The following SPOCK2 variants were observed in gnomAD, a reference collection of about 807,000 sequenced individuals.
SPOCK2 encodes SPARC (osteonectin), cwcv and kazal like domains proteoglycan 2, also known as testican-2.
A neutral mutation model predicts 60.1 loss-of-function variants in SPOCK2; 39 were observed. That is an observed-to-expected ratio of 0.65 (90% CI 0.50 to 0.85). The LOEUF (loss-of-function observed/expected upper bound fraction) is 0.85. SPOCK2 is among the 40% of genes least tolerant of loss of function. The pLI is 0.00. For synonymous variants in SPOCK2, 217 were observed against 231.5 expected (o/e 0.94, Z 0.57); for missense variants, 523 against 567.4 (o/e 0.92, Z 0.80).
At chr10:72,067,589 C>T in intron 7 of SPOCK2, 24 bp downstream of exon 7, 1 of 1,610,856 alleles carries the variant, frequency 6.2e-7, no homozygotes, top group Non-Finnish European at 8.5e-7. Flanking sequence ...CTCCCTCCTC[C>T]AGGCAGAGCA....
At chr10:72,083,266 G>A (rs1283775544) in intron 1 of SPOCK2, among the ~76,000 whole-genome samples, 2 of 152,204 alleles carry the variant, frequency 1.3e-5, no homozygotes, top group Admixed American at 1.3e-4. Flanking sequence ...GCGGTGGTGT[G>A]GTAGGATAAG....
chr10:72,085,643 CCTACTAGGA>C (rs1272920574), intron 1 of SPOCK2, among the ~76,000 whole-genome samples: 1 of 152,150 alleles, frequency 6.6e-6, no homozygotes, highest in Non-Finnish European at 1.5e-5. Context: ...TTGCCTCCAC[CCTACTAGGA>C]CAAATAGGGG....
At chr10:72,072,603 A>C in intron 2 of SPOCK2, 55 bp from the exon 3 acceptor site, 1 of 1,611,312 alleles carries the variant, frequency 6.2e-7, no homozygotes, top group Non-Finnish European at 8.5e-7. Context: ...CATATCCCAG[A>C]GGTTCAACTG....
intron 1 of SPOCK2, among the ~76,000 whole-genome samples, chr10:72,073,596 C>T (rs1021953413): frequency 6.6e-6 from 1 of 152,200 alleles, no homozygotes; most frequent in East Asian, 1.9e-4. Flanking sequence ...CCGGAGAAAG[C>T]CCAGAGACAG....
intron 1 of SPOCK2, among the ~76,000 whole-genome samples, chr10:72,076,899 G>C (rs573757752): frequency 9.4e-4 from 143 of 152,332 alleles, no homozygotes; most frequent in Non-Finnish European, 1.6e-3. Context: ...GCTGAGTCAG[G>C]GTTCCCCATC....
At position 72,080,919 on chromosome 10, in the gene SPOCK2, T is replaced by C. The variant is rs113798083; in HGVS notation, c.189+7221A>G. 6.8e-3 allele frequency among the ~76,000 whole-genome samples: 1,036 copies of C among 152,200 alleles called. 10 individuals carry two copies. Among genetic ancestry groups the C allele is most frequent in the African/African-American group, 0.024 (981 of 41,544 alleles). ...GCATCTTGGTGGCTGCCCTAGTCCTTGGTCCCTGCTCCGGGCGGTGGCCCC... is the reference window on the plus strand; with the variant it reads ...GCATCTTGGTGGCTGCCCTAGTCCTCGGTCCCTGCTCCGGGCGGTGGCCCC... On this transcript the variant is annotated intron_variant, in intron 1 of 10. Coordinates refer to ENST00000373109, the MANE Select transcript of SPOCK2 (RefSeq NM_001244950.2).
chr10:72,072,337 C>A, intron 3 of SPOCK2, 79 bp from the exon 4 acceptor site: 1 of 1,450,196 alleles, frequency 6.9e-7, no homozygotes, highest in Non-Finnish European at 9.2e-7. Flanking sequence ...GCTGGGAGGC[C>A]TCTCCCTCCA....
chr10:72,067,204 C>T, intron 7 of SPOCK2, 84 bp from the exon 8 acceptor site: 1 of 1,355,092 alleles, frequency 7.4e-7, no homozygotes, highest in Non-Finnish European at 1.0e-6. Flanking sequence ...TCGCCATCAG[C>T]CCCAGCCCTC....
chr10:72,086,932 G>A (rs1840864681), intron 1 of SPOCK2: 2 of 1,551,556 alleles, frequency 1.3e-6, no homozygotes, highest in African/African-American at 1.4e-5. Context: ...GCAGTTTAAG[G>A]AGAAAACGGG....
rs1227493102 is a variant in SPOCK2, at chr10:72,088,507, T to C, written c.-179A>G. 7 of 687,914 alleles carry C rather than the reference T, an allele frequency of 1.0e-5. No individual in the cohort carries two copies. Among genetic ancestry groups the C allele is most frequent in the Non-Finnish European group, 1.6e-5 (7 of 430,234 alleles). 42.6% of individuals were successfully genotyped at this position (687,914 alleles called of 1,614,324 possible). On this transcript the variant is annotated 5_prime_UTR_variant, in exon 1 of 11. Transcript: ENST00000373109. ...ATGTGACCTGGTTAGGAGATGCACT[T>C]GTCTGAAAAAGCCCAGCACTGGACG...
Position 72,063,019 on chromosome 10 carries a change from C to A in SPOCK2, c.1129+6G>T. The A allele has an allele frequency of 6.4e-7, 1 of 1,560,572 alleles. No individual in the cohort carries two copies. The highest frequency in any genetic ancestry group is 8.7e-7 in the Non-Finnish European group (1 of 1,152,558). ...CCCAGCAGGCCCTGAGCTGCCCAGCCCGTACCGCAGTCGGGGCTCCCATGC... is the reference window on the plus strand; with the variant it reads ...CCCAGCAGGCCCTGAGCTGCCCAGCACGTACCGCAGTCGGGGCTCCCATGC... On this transcript the variant is annotated splice_donor_region_variant and intron_variant, in intron 10 of 10. Transcript: ENST00000373109.
At chr10:72,078,560 T>C (rs577481937) in intron 1 of SPOCK2, among the ~76,000 whole-genome samples, 1 of 151,698 alleles carries the variant, frequency 6.6e-6, no homozygotes. Context: ...TTAAAAATAA[T>C]AAAAAATATA....
At chr10:72,077,896 C>T (rs776999991) in intron 1 of SPOCK2, among the ~76,000 whole-genome samples, 2 of 152,270 alleles carry the variant, frequency 1.3e-5, no homozygotes, top group African/African-American at 2.4e-5. Flanking sequence ...CACCCCAACC[C>T]GAAAAACTGC....
chr10:72,066,240 A>C (rs757524346), intron 8 of SPOCK2, among the ~76,000 whole-genome samples: 44 of 152,102 alleles, frequency 2.9e-4, no homozygotes, highest in Admixed American at 1.3e-4. Context: ...CGAGAAGCAA[A>C]TGCATCTTCA....
At position 72,061,814 on chromosome 10, in the gene SPOCK2, G is replaced by C. The variant is rs1314586287; in HGVS notation, c.*946C>G. ...GCTCCACCACGAGACCCAGAGAAAA[G>C]GGACAGGCTATTCCAGGGTCTAGGA... On this transcript the variant is annotated 3_prime_UTR_variant, in exon 11 of 11. Coordinates refer to ENST00000373109, the MANE Select transcript of SPOCK2 (RefSeq NM_001244950.2). 1 of 152,476 alleles carries C rather than the reference G, an allele frequency of 6.6e-6. No individual in the cohort carries two copies. The highest frequency in any genetic ancestry group is 2.4e-5 in the African/African-American group (1 of 41,404). The allele number at this position is 152,476 out of a possible 1,614,324, so 9.4% of individuals were successfully genotyped here.
At chr10:72,086,544 G>A in intron 1 of SPOCK2, 1 of 1,140,874 alleles carries the variant, frequency 8.8e-7, no homozygotes, top group Non-Finnish European at 1.1e-6. Context: ...CCGGCCTGCT[G>A]CCGCCCCCTC....
At chr10:72,065,460 G>A (rs956183662) in intron 8 of SPOCK2, among the ~76,000 whole-genome samples, 1 of 152,240 alleles carries the variant, frequency 6.6e-6, no homozygotes, top group African/African-American at 2.4e-5. Context: ...ACAGGAGGCC[G>A]CACCACCAAG....
chr10:72,062,720 T>C lies in SPOCK2; in HGVS notation c.*40A>G. The C allele has an allele frequency of 6.3e-7, 1 of 1,579,478 alleles. No individual in the cohort carries two copies. On this transcript the variant is annotated 3_prime_UTR_variant, in exon 11 of 11. Transcript: ENST00000373109. The surrounding 1 kb of genome is among the most constrained non-coding windows in gnomAD (Gnocchi z 4.3). The stretch of plus-strand genomic sequence containing the variant: ...AGTTGCCTGCTGCTGCTCAGAGCTC[T>C]GCTGTTGAGTCCCCCCCGGCAGCCG...
chr10:72,080,006 C>A (rs1402840549), intron 1 of SPOCK2, among the ~76,000 whole-genome samples: 1 of 152,120 alleles, frequency 6.6e-6, no homozygotes, highest in African/African-American at 2.4e-5. Flanking sequence ...ACTTTGTGAA[C>A]TGAAGCTCCA....
Sources: gnomAD v4.1 joint callset for allele counts (sites outside exome capture counted in the v4.1 genomes callset) on GRCh38, gnomAD v4.1.1 for gene constraint, Gnocchi (gnomAD v3.1) non-coding constraint, MANE v1.5 for transcripts, NCBI Gene and HGNC (gene_info 2026-07-23, HGNC 2026-07-21) for gene names.